Variants in PPP6R3 observed in about 807,000 individuals in gnomAD.
PPP6R3 encodes the protein serine/threonine-protein phosphatase 6 regulatory subunit 3.
Under a neutral mutation model 110.7 loss-of-function variants are expected in PPP6R3, and 38 were observed. That is an observed-to-expected ratio of 0.34 (90% confidence interval 0.26 to 0.45). The LOEUF (loss-of-function observed/expected upper bound fraction) is 0.45. Among genes scored for constraint, PPP6R3 ranks in the 20% least tolerant of loss-of-function variants. The pLI, the probability that PPP6R3 is intolerant of heterozygous loss-of-function variation, is 1.00. For synonymous variants in PPP6R3, 369 were observed against 373.5 expected, an observed-to-expected ratio of 0.99 and a Z score of 0.14; for missense variants, 870 against 1,062.4, an observed-to-expected ratio of 0.82 and a Z score of 2.52.
intron 22 of PPP6R3, among the ~76,000 whole-genome samples, chr11:68,606,290 TCCTC>T (rs1462273553): frequency 6.6e-6 from 1 of 151,768 alleles, no homozygotes; most frequent in Admixed American, 6.6e-5. Context: ...TTCCTCCTCT[TCCTC>T]CTCCCTCCTT....
chr11:68,524,463 A>G (rs902411173), intron 2 of PPP6R3, among the ~76,000 whole-genome samples: 2 of 152,132 alleles, frequency 1.3e-5, no homozygotes, highest in African/African-American at 4.8e-5. Flanking sequence ...CCACAGTGGG[A>G]TTAATTTCTC....
chr11:68,475,087 G>C (rs1014198990), intron 1 of PPP6R3, among the ~76,000 whole-genome samples: 4 of 151,936 alleles, frequency 2.6e-5, no homozygotes, highest in African/African-American at 7.3e-5. Flanking sequence ...TGTGTCCCTG[G>C]GTACTTGAGA....
intron 18 of PPP6R3, among the ~76,000 whole-genome samples, chr11:68,593,612 AAGC>A (rs2099602309): frequency 6.6e-6 from 1 of 152,256 alleles, no homozygotes; most frequent in African/African-American, 2.4e-5. Flanking sequence ...ATACAAAAGA[AAGC>A]AGAAAAAGAA....
At chr11:68,606,049 A>G (rs550448822) in intron 22 of PPP6R3, among the ~76,000 whole-genome samples, 1 of 152,218 alleles carries the variant, frequency 6.6e-6, no homozygotes, top group African/African-American at 2.4e-5. Flanking sequence ...ATCCTGTGTA[A>G]GGTATTTGCT....
At chr11:68,531,145 T>C (rs1353858639) in intron 2 of PPP6R3, among the ~76,000 whole-genome samples, 1 of 152,082 alleles carries the variant, frequency 6.6e-6, no homozygotes, top group Non-Finnish European at 1.5e-5. Flanking sequence ...ATTTTGAATA[T>C]ATGTATTTAA....
chr11:68,495,402 T>C (rs1432559092), intron 1 of PPP6R3, among the ~76,000 whole-genome samples: 16 of 152,216 alleles, frequency 1.1e-4, no homozygotes, highest in Non-Finnish European at 2.4e-4. Flanking sequence ...TTTTAGTATA[T>C]TCATGGAGTT....
chr11:68,484,723 G>A (rs1358175193), intron 1 of PPP6R3, among the ~76,000 whole-genome samples: 1 of 152,052 alleles, frequency 6.6e-6, no homozygotes, highest in Non-Finnish European at 1.5e-5. Context: ...GAGTAGCTGA[G>A]ATTACAGGTG....
intron 1 of PPP6R3, among the ~76,000 whole-genome samples, chr11:68,516,258 T>C (rs543032368): frequency 1.3e-5 from 2 of 152,338 alleles, no homozygotes; most frequent in African/African-American, 4.8e-5. Flanking sequence ...TCTGAAACTT[T>C]TTGAGTGCCA....
In PPP6R3 at chr11:68,480,479, A is replaced by G. The variant is rs1017094963; in HGVS notation, c.-158+19652A>G. 9.8e-5 allele frequency among the ~76,000 whole-genome samples: 15 copies of G among 152,372 alleles called. No individual in the cohort carries two copies. In the South Asian group the frequency reaches 3.1e-3, roughly 32 times the overall value. On this transcript the variant is annotated intron_variant, in intron 1 of 23. Coordinates refer to ENST00000393800, the MANE Select transcript of PPP6R3 (RefSeq NM_001164161.2). ...TTGGCGGAACTTAGCATCCAGTGAA[A>G]CAAACTTCTAGGGTAGGGATGGAGG...
chr11:68,551,665 G>A (rs1592998152), intron 6 of PPP6R3, among the ~76,000 whole-genome samples: 1 of 151,970 alleles, frequency 6.6e-6, no homozygotes, highest in Non-Finnish European at 1.5e-5. Context: ...TTTTTGTATT[G>A]TTAGTAGAGA....
At chr11:68,526,111 C>T (rs1204163087) in intron 2 of PPP6R3, among the ~76,000 whole-genome samples, 2 of 152,226 alleles carry the variant, frequency 1.3e-5, no homozygotes, top group African/African-American at 2.4e-5. Flanking sequence ...CTCCAGTTAC[C>T]TGTTGCTTCC....
rs543900958 is a variant in PPP6R3, at chr11:68,487,905, C to T, written c.-158+27078C>T. Among the ~76,000 whole-genome samples the T allele has an allele frequency of 2.0e-5, 3 of 152,264 alleles. No individual in the cohort carries two copies. The East Asian group carries it at 5.8e-4, about 29-fold the overall frequency. On this transcript the variant is annotated intron_variant, in intron 1 of 23. Coordinates refer to ENST00000393800, the MANE Select transcript of PPP6R3 (RefSeq NM_001164161.2). ...GATTGATGGTGCTATTGAGTTCCAT[C>T]ATGTCCTTACTGATTTTCTACCTGC...
intron 11 of PPP6R3, 109 bp downstream of exon 11, chr11:68,570,006 G>A: frequency 9.8e-7 from 1 of 1,018,388 alleles, no homozygotes; most frequent in Non-Finnish European, 1.4e-6. Context: ...AGATTTCAGA[G>A]TCTAAATATT....
At chr11:68,516,523 A>T (rs1036646959) in intron 1 of PPP6R3, among the ~76,000 whole-genome samples, 5 of 152,216 alleles carry the variant, frequency 3.3e-5, no homozygotes, top group African/African-American at 7.2e-5. Context: ...GAAATCTGAA[A>T]TACTTCTGGT....
At chr11:68,612,143 T>C (rs1943779828) in intron 23 of PPP6R3, among the ~76,000 whole-genome samples, 2 of 152,212 alleles carry the variant, frequency 1.3e-5, no homozygotes, top group Admixed American at 6.5e-5. Context: ...TCACTCAGCT[T>C]GTTTAAGTGA....
intron 8 of PPP6R3, among the ~76,000 whole-genome samples, chr11:68,561,164 GGCGTGA>G (rs2099418168): frequency 6.6e-6 from 1 of 152,170 alleles, no homozygotes; most frequent in Non-Finnish European, 1.5e-5. Flanking sequence ...TGGGATTACA[GGCGTGA>G]GCCACCACGC....
At chr11:68,544,407 G>A (rs1266761355) in intron 3 of PPP6R3, among the ~76,000 whole-genome samples, 1 of 152,212 alleles carries the variant, frequency 6.6e-6, no homozygotes, top group African/African-American at 2.4e-5. Context: ...GTCATTACAA[G>A]GTGCTGCATG....
intron 8 of PPP6R3, among the ~76,000 whole-genome samples, chr11:68,562,082 A>G (rs1288594548): frequency 6.6e-6 from 1 of 152,092 alleles, no homozygotes. Context: ...TCCTAGAACT[A>G]ACAAATACAT....
At chr11:68,505,009 A>G (rs921122830) in intron 1 of PPP6R3, 1 of 151,926 alleles carries the variant, frequency 6.6e-6, no homozygotes. Context: ...GGTTTTTATA[A>G]TTTTTCCTTA....
Sources: allele counts gnomAD v4.1 joint callset (sites outside exome capture counted in the v4.1 genomes callset), GRCh38; gene constraint gnomAD v4.1.1; transcripts MANE v1.5; gene names NCBI Gene and HGNC (gene_info 2026-07-23, HGNC 2026-07-21).